The following FAM167A variants were observed in gnomAD, a reference collection of about 807,000 sequenced individuals.
FAM167A encodes the protein family with sequence similarity 167 member A, also known as protein FAM167A.
FAM167A carries 23 observed loss-of-function variants against 14.9 expected under a neutral mutation model. That is an observed-to-expected ratio of 1.55 (90% CI 1.11 to 2.19). The LOEUF (loss-of-function observed/expected upper bound fraction) is 2.19, where lower values mean the gene tolerates loss of function less well. Ranked by LOEUF, FAM167A falls within the 30% of genes most tolerant of loss-of-function variation. FAM167A has a pLI of 0.00. For missense variants in FAM167A, 401 were observed against 281.5 expected, an observed-to-expected ratio of 1.42 and a Z score of -3.04; for synonymous variants, 174 against 117.7, an observed-to-expected ratio of 1.48 and a Z score of -3.10.
intron 1 of FAM167A, among the ~76,000 whole-genome samples, chr8:11,450,786 GAA>G (rs932865196): frequency 6.6e-6 from 1 of 152,230 alleles, no homozygotes; most frequent in Non-Finnish European, 1.5e-5. Flanking sequence ...CAGAGAGGCA[GAA>G]AAAGACACCC....
At chr8:11,455,144 G>C (rs985776592) in intron 1 of FAM167A, among the ~76,000 whole-genome samples, 2 of 145,084 alleles carry the variant, frequency 1.4e-5, no homozygotes, top group African/African-American at 2.5e-5. Flanking sequence ...GTGTGCGTGT[G>C]TGTGTGTGTG....
intron 1 of FAM167A, chr8:11,474,851 G>A (rs557720727): frequency 9.0e-4 from 138 of 152,938 alleles, no homozygotes; most frequent in Non-Finnish European, 1.5e-3. Flanking sequence ...GAGGCAGAGG[G>A]GGAGGGGGAG....
At chr8:11,443,379 T>C (rs1375069550) in intron 2 of FAM167A, among the ~76,000 whole-genome samples, 1 of 152,192 alleles carries the variant, frequency 6.6e-6, no homozygotes, top group Non-Finnish European at 1.5e-5. Flanking sequence ...CAATGTGCCT[T>C]TACCTCACAC....
At chr8:11,458,941 C>G (rs116534080) in intron 1 of FAM167A, among the ~76,000 whole-genome samples, 2,665 of 152,368 alleles carry the variant, frequency 0.017, 84 homozygotes, top group African/African-American at 0.061. Context: ...CCACACTAGC[C>G]TGGGCTTCAG....
chr8:11,455,912 A>AGGGGT (rs1563386676), intron 1 of FAM167A, among the ~76,000 whole-genome samples: 1 of 38,784 alleles, frequency 2.6e-5, no homozygotes, highest in African/African-American at 1.1e-4. Flanking sequence ...TGTGAGTGTG[A>AGGGGT]GGGGTGGTTG....
intron 1 of FAM167A, among the ~76,000 whole-genome samples, chr8:11,458,700 A>G (rs1248205828): frequency 6.6e-6 from 1 of 152,132 alleles, no homozygotes; most frequent in Non-Finnish European, 1.5e-5. Context: ...CTCAGCTGGG[A>G]GGATATAAGC....
Position 11,424,556 on chromosome 8 carries a change from T to C in FAM167A, c.462A>G (p.Glu154=). 1 of 1,613,984 alleles carries C rather than the reference T, an allele frequency of 6.2e-7. No homozygotes were observed. Among genetic ancestry groups the C allele is most frequent in the Non-Finnish European group, 8.5e-7 (1 of 1,179,918 alleles). The stretch of plus-strand genomic sequence containing the variant: ...TCCTCCTGTGGAGGCGGCAGGTGTG[T>C]TCGATTTTCAGCTTGTTGATGTCGC... The part of the protein sequence containing the change: ...LRGDINKLKI[E]HTCRLHRRML... The change falls in exon 3 of 3, where the codon GAA becomes GAG. Residue 154 remains glutamate, a synonymous_variant. Transcript: ENST00000284486.
At chr8:11,474,406 C>T (rs1485001294) in intron 1 of FAM167A, among the ~76,000 whole-genome samples, 1 of 152,196 alleles carries the variant, frequency 6.6e-6, no homozygotes, top group Admixed American at 6.5e-5. Flanking sequence ...AACAGACAAA[C>T]ATGCCCCGTG....
At position 11,424,618 on chromosome 8, in the gene FAM167A, C is replaced by A; in HGVS notation, c.400G>T (p.Asp134Tyr). 1.2e-6 allele frequency: 2 copies of A among 1,613,836 alleles called. No homozygotes were observed. The highest frequency in any genetic ancestry group is 1.1e-5 in the South Asian group (1 of 91,068). Reference sequence around the variant, plus strand: ...ATGAGCTGTCTGGCCAGTTGCTGGTCCTGCAGCCGCATCTCCGTCTGGAAG... The same window carrying A: ...ATGAGCTGTCTGGCCAGTTGCTGGTACTGCAGCCGCATCTCCGTCTGGAAG... ...RKELTEMRLQ[D>Y]QQLARQLMRL... The change falls in exon 3 of 3, where the codon GAC becomes TAC. Residue 134 changes from aspartate (D) to tyrosine (Y), a missense_variant. Transcript: ENST00000284486.
At chr8:11,446,964 G>A (rs73209222) in intron 1 of FAM167A, among the ~76,000 whole-genome samples, 36 of 152,244 alleles carry the variant, frequency 2.4e-4, no homozygotes, top group Admixed American at 3.9e-4. Context: ...AACTGCAGGC[G>A]GATGAGCAGC....
chr8:11,467,161 T>C (rs1467575106), upstream of FAM167A, among the ~76,000 whole-genome samples: 1 of 152,218 alleles, frequency 6.6e-6, no homozygotes, highest in Non-Finnish European at 1.5e-5. Context: ...CGGCCACGAC[T>C]GCCCGCGAGC....
At chr8:11,428,614 C>T (rs986014593) in intron 2 of FAM167A, among the ~76,000 whole-genome samples, 1 of 152,306 alleles carries the variant, frequency 6.6e-6, no homozygotes, top group Non-Finnish European at 1.5e-5. Context: ...GTGAGCATCT[C>T]GCTAGGATGC....
intron 2 of FAM167A, among the ~76,000 whole-genome samples, chr8:11,430,009 G>C (rs1030479840): frequency 6.6e-6 from 1 of 152,204 alleles, no homozygotes; most frequent in Admixed American, 6.5e-5. Context: ...ATGGAACCCA[G>C]CAAGGACCTC....
At chr8:11,431,792 G>A (rs1805609625) in intron 2 of FAM167A, among the ~76,000 whole-genome samples, 2 of 149,758 alleles carry the variant, frequency 1.3e-5, no homozygotes, top group African/African-American at 4.9e-5. Context: ...AGTGACACTG[G>A]AAGCTGATGA....
At chr8:11,434,617 A>T (rs1805867590) in intron 2 of FAM167A, among the ~76,000 whole-genome samples, 2 of 152,080 alleles carry the variant, frequency 1.3e-5, no homozygotes, top group Non-Finnish European at 2.9e-5. Context: ...AATTTTTCAA[A>T]CTTGGAAGGT....
intron 2 of FAM167A, among the ~76,000 whole-genome samples, chr8:11,442,899 G>A (rs188716788): frequency 2.6e-5 from 4 of 152,286 alleles, no homozygotes; most frequent in East Asian, 1.9e-4. Flanking sequence ...AGATCCCTGC[G>A]TCCCTGAGCC....
intron 1 of FAM167A, among the ~76,000 whole-genome samples, chr8:11,458,537 G>A (rs895908593): frequency 1.3e-5 from 2 of 152,132 alleles, no homozygotes; most frequent in African/African-American, 4.8e-5. Flanking sequence ...GAACACTCAC[G>A]ACACCTAGAA....
At chr8:11,430,618 G>C (rs1372411320) in intron 2 of FAM167A, among the ~76,000 whole-genome samples, 2 of 152,348 alleles carry the variant, frequency 1.3e-5, no homozygotes, top group East Asian at 1.9e-4. Context: ...GAGAGCAAGA[G>C]AGAGAGCCAG....
chr8:11,459,330 G>A (rs886914294), intron 1 of FAM167A, among the ~76,000 whole-genome samples: 2 of 152,172 alleles, frequency 1.3e-5, no homozygotes, highest in African/African-American at 4.8e-5. Context: ...CTCCACCATT[G>A]TGACCATCTT....
Sources: allele counts gnomAD v4.1 joint callset (sites outside exome capture counted in the v4.1 genomes callset), GRCh38; gene constraint gnomAD v4.1.1; transcripts MANE v1.5; gene names NCBI Gene and HGNC (gene_info 2026-07-23, HGNC 2026-07-21).